The following TRHDE variants were observed in gnomAD, a reference collection of about 807,000 sequenced individuals.
TRHDE encodes the protein thyrotropin-releasing hormone-degrading ectoenzyme.
In TRHDE, 72 loss-of-function variants were observed where a neutral mutation model predicts 125.7. The observed-to-expected ratio is 0.57, with a 90% confidence interval of 0.47 to 0.70. The LOEUF (loss-of-function observed/expected upper bound fraction) is 0.70. TRHDE is among the 30% of genes least tolerant of loss of function. The pLI, the probability that TRHDE is intolerant of heterozygous loss-of-function variation, is 0.00. For missense variants in TRHDE, 1,110 were observed against 1,327.1 expected (o/e 0.84, Z 2.54); for synonymous variants, 509 against 509.1 (o/e 1.00, Z 0.00).
chr12:72,204,446 T>A (rs1040821789), intron 2 of TRHDE, among the ~76,000 whole-genome samples: 1 of 152,176 alleles, frequency 6.6e-6, no homozygotes, highest in Non-Finnish European at 1.5e-5. Flanking sequence ...TTACACATTC[T>A]CCCTGGGTGA....
rs149459324 is a variant in TRHDE, at chr12:72,669,843, T to TATTTTTC, written c.*6666_*6672dup. On this transcript the variant is annotated 3_prime_UTR_variant, in exon 19 of 19. Transcript: ENST00000261180. ...ACCTATATATTGCCACATATAAAGA[T>TATTTTTC]ATTTTTCATTTTTCATTTTTCATTG... 6.6e-6 allele frequency: 1 copy of TATTTTTC among 151,630 alleles called. No homozygotes were observed. The highest frequency in any genetic ancestry group is 1.5e-5 in the Non-Finnish European group (1 of 67,750). 9.4% of individuals were successfully genotyped at this position (151,630 alleles called of 1,614,324 possible).
chr12:72,224,288 C>A (rs1390173042), intron 2 of TRHDE, among the ~76,000 whole-genome samples: 1 of 151,556 alleles, frequency 6.6e-6, no homozygotes, highest in Non-Finnish European at 1.5e-5. Context: ...AGACCAGAAC[C>A]AGAGCTGTTA....
At position 72,575,280 on chromosome 12, in the gene TRHDE, C is replaced by T. The variant is rs1185557120; in HGVS notation, c.2157C>T (p.Asp719=). The change falls in exon 11 of 19, where the codon GAC becomes GAT. Residue 719 remains aspartate, a synonymous_variant. Coordinates refer to ENST00000261180, the MANE Select transcript of TRHDE (RefSeq NM_013381.3). ...KSEHHRITYL[D]KGSWLLGNIN... ...AGCACCACAGAATAACTTATTTGGA[C>T]AAAGGAAGCTGGCTGCTGGGGAACA... is the stretch of plus-strand genomic sequence containing the variant. 2 of 1,613,204 alleles carry T rather than the reference C, an allele frequency of 1.2e-6. No individual in the cohort carries two copies. Among genetic ancestry groups the T allele is most frequent in the African/African-American group, 2.7e-5 (2 of 74,852 alleles).
intron 6 of TRHDE, among the ~76,000 whole-genome samples, chr12:72,520,264 C>G (rs1879120273): frequency 6.6e-6 from 1 of 152,206 alleles, no homozygotes; most frequent in Non-Finnish European, 1.5e-5. Flanking sequence ...GCAGTTTGAT[C>G]TCAGACTGCT....
At chr12:72,158,739 T>G (rs1275133706) in intron 2 of TRHDE, among the ~76,000 whole-genome samples, 1 of 152,194 alleles carries the variant, frequency 6.6e-6, no homozygotes. Flanking sequence ...CTGTTCTGTT[T>G]TGTTGGAAGC....
At chr12:72,500,141 T>C (rs1036518061) in intron 6 of TRHDE, among the ~76,000 whole-genome samples, 1 of 152,192 alleles carries the variant, frequency 6.6e-6, no homozygotes, top group Non-Finnish European at 1.5e-5. Flanking sequence ...TTTAAAATAC[T>C]AGACTTTCAA....
chr12:72,635,471 T>C (rs996279982), intron 15 of TRHDE, among the ~76,000 whole-genome samples: 1 of 152,196 alleles, frequency 6.6e-6, no homozygotes, highest in African/African-American at 2.4e-5. Flanking sequence ...ACTCTGATGG[T>C]AGTTTCTTTT....
intron 6 of TRHDE, among the ~76,000 whole-genome samples, chr12:72,511,712 C>T (rs896268779): frequency 6.6e-6 from 1 of 152,130 alleles, no homozygotes; most frequent in African/African-American, 2.4e-5. Flanking sequence ...ACACATATTT[C>T]ACCGATTCAT....
chr12:72,466,530 A>C (rs77701982), intron 3 of TRHDE, among the ~76,000 whole-genome samples: 4,480 of 152,256 alleles, frequency 0.029, 220 homozygotes, highest in African/African-American at 0.1. Flanking sequence ...TGGTTTGTTC[A>C]TATTTAGACA....
rs550062971 is a variant in TRHDE, at chr12:72,395,922, A to AT, written c.1315+17811dup. 7.1e-3 allele frequency among the ~76,000 whole-genome samples: 1,047 copies of AT among 148,274 alleles called. 11 individuals carry two copies. Among genetic ancestry groups the AT allele is most frequent in the Admixed American group, 0.014 (204 of 14,854 alleles). On this transcript the variant is annotated intron_variant, in intron 3 of 18. Transcript: ENST00000261180. The stretch of plus-strand genomic sequence containing the variant: ...AGCCAATGACCTGGATATTTATTTC[A>AT]TTTTTTTTTTGTTTTACAAAAGCAA...
At chr12:72,647,181 T>C (rs769995230) in intron 15 of TRHDE, among the ~76,000 whole-genome samples, 1 of 151,876 alleles carries the variant, frequency 6.6e-6, no homozygotes, top group Non-Finnish European at 1.5e-5. Context: ...AATGGAAAAG[T>C]TTACAAATAT....
At chr12:72,446,705 G>T (rs1420475605) in intron 3 of TRHDE, among the ~76,000 whole-genome samples, 2 of 151,984 alleles carry the variant, frequency 1.3e-5, no homozygotes, top group African/African-American at 4.8e-5. Flanking sequence ...AACAGCAGGG[G>T]TTGCAATCCT....
chr12:72,524,104 A>G (rs1868292882), intron 6 of TRHDE, among the ~76,000 whole-genome samples: 1 of 152,296 alleles, frequency 6.6e-6, no homozygotes, highest in East Asian at 1.9e-4. Flanking sequence ...GAAGAAAAGC[A>G]AAGAAAGAAA....
At chr12:72,384,642 C>T (rs1263406436) in intron 3 of TRHDE, among the ~76,000 whole-genome samples, 1 of 151,828 alleles carries the variant, frequency 6.6e-6, no homozygotes, top group Non-Finnish European at 1.5e-5. Flanking sequence ...CCATGAATAC[C>T]CTAGGATCTA....
chr12:72,209,388 G>T (rs1012732981), intron 2 of TRHDE, among the ~76,000 whole-genome samples: 1 of 152,142 alleles, frequency 6.6e-6, no homozygotes. Flanking sequence ...TTTGCCTAGG[G>T]TCTAATACAA....
In TRHDE at chr12:72,380,459, G is replaced by C. The variant is rs186253696; in HGVS notation, c.1315+2338G>C. ...TTTTTAAAATGGGCAATCATGGAAGGCTTCATTAGGAAGATGGCTTTTAAG... is the reference window on the plus strand; with the variant it reads ...TTTTTAAAATGGGCAATCATGGAAGCCTTCATTAGGAAGATGGCTTTTAAG... On this transcript the variant is annotated intron_variant, in intron 3 of 18. Transcript: ENST00000261180. 1.5e-4 allele frequency among the ~76,000 whole-genome samples: 23 copies of C among 152,324 alleles called. No individual in the cohort carries two copies. In the East Asian group the frequency reaches 1.5e-3, roughly 10 times the overall value.
intron 12 of TRHDE, among the ~76,000 whole-genome samples, chr12:72,598,048 C>A (rs762785987): frequency 3.2e-4 from 49 of 151,454 alleles, no homozygotes; most frequent in Non-Finnish European, 6.2e-4. Context: ...CCAACTCTTG[C>A]CTGAACAAAT....
intron 2 of TRHDE, 106 bp from the exon 3 acceptor site, chr12:72,377,889 T>G: frequency 1.3e-6 from 1 of 775,820 alleles, no homozygotes; most frequent in Non-Finnish European, 1.9e-6. Context: ...GAATCCTGTT[T>G]AAGTTTTGTA....
At chr12:72,157,031 A>C (rs772860341) in intron 2 of TRHDE, among the ~76,000 whole-genome samples, 1 of 152,206 alleles carries the variant, frequency 6.6e-6, no homozygotes, top group Non-Finnish European at 1.5e-5. Flanking sequence ...ATTTCCAAGC[A>C]GTGAACAAGT....
Sources: gnomAD v4.1 joint callset for allele counts (sites outside exome capture counted in the v4.1 genomes callset) on GRCh38, gnomAD v4.1.1 for gene constraint, MANE v1.5 for transcripts, NCBI Gene and HGNC (gene_info 2026-07-23, HGNC 2026-07-21) for gene names.